The following PSD3 variants were observed in gnomAD, a reference collection of about 807,000 sequenced individuals.
PSD3 encodes PH and SEC7 domain-containing protein 3.
In PSD3, 49 loss-of-function variants were observed where a neutral mutation model predicts 105.5. The observed-to-expected ratio is 0.46, with a 90% confidence interval of 0.37 to 0.59. The LOEUF is 0.59. Ranked by LOEUF, PSD3 falls within the 20% of genes least tolerant of loss-of-function variation. PSD3 has a pLI of 0.00. For missense variants in PSD3, 1,561 were observed against 1,263.8 expected (o/e 1.24, Z -3.57); for synonymous variants, 557 against 457.8 (o/e 1.22, Z -2.77).
intron 2 of PSD3, among the ~76,000 whole-genome samples, chr8:18,915,256 A>G (rs1820507729): frequency 6.6e-6 from 1 of 152,154 alleles, no homozygotes; most frequent in South Asian, 2.1e-4. Flanking sequence ...AAAACATAGG[A>G]AAAAAGGCTT....
At chr8:18,788,672 T>C (rs1053021658) in intron 8 of PSD3, among the ~76,000 whole-genome samples, 20 of 152,140 alleles carry the variant, frequency 1.3e-4, no homozygotes, top group African/African-American at 3.6e-4. Flanking sequence ...TCATCATCCA[T>C]TGGTAAAATC....
At chr8:18,603,498 T>C (rs900531512) in intron 11 of PSD3, among the ~76,000 whole-genome samples, 1 of 152,214 alleles carries the variant, frequency 6.6e-6, no homozygotes, top group East Asian at 1.9e-4. Context: ...TTTGTTTGTA[T>C]AATAAATGTC....
At chr8:18,840,085 C>T (rs1463026549) in intron 4 of PSD3, among the ~76,000 whole-genome samples, 1 of 152,158 alleles carries the variant, frequency 6.6e-6, no homozygotes, top group African/African-American at 2.4e-5. Context: ...AATCCTAATG[C>T]TGATCCTGTT....
chr8:19,035,774 T>G (rs1827921649), intron 1 of PSD3, among the ~76,000 whole-genome samples: 2 of 149,884 alleles, frequency 1.3e-5, no homozygotes, highest in African/African-American at 4.9e-5. Flanking sequence ...GGTGTGGGGG[T>G]GACTGGATTT....
At chr8:18,680,665 T>A (rs1800333447) in intron 9 of PSD3, among the ~76,000 whole-genome samples, 1 of 152,064 alleles carries the variant, frequency 6.6e-6, no homozygotes. Context: ...CCACACTCTC[T>A]CTAGAGGAAA....
chr8:18,676,065 T>C (rs189340296), intron 9 of PSD3, among the ~76,000 whole-genome samples: 75 of 152,296 alleles, frequency 4.9e-4, no homozygotes, highest in African/African-American at 1.7e-3. Flanking sequence ...GCAGTGACTA[T>C]CTTTAAAATG....
chr8:18,867,598 T>C, intron 4 of PSD3, 76 bp downstream of exon 4: 2 of 1,495,712 alleles, frequency 1.3e-6, no homozygotes, highest in Middle Eastern at 1.8e-4. Context: ...TAAATATATA[T>C]TCCACACTCA....
In PSD3 at chr8:18,804,603, C is replaced by T; in HGVS notation, c.1830-1G>A. On this transcript the variant is annotated splice_acceptor_variant, in intron 5 of 15. Coordinates refer to ENST00000327040, the MANE Select transcript of PSD3 (RefSeq NM_015310.4). LOFTEE classifies it high-confidence loss of function. ...TGCAACTAGTTTGCTAAATTCGTTG[C>T]TATAAGAAAACAGAATAGACTTGGT... is the stretch of plus-strand genomic sequence containing the variant. 1 of 1,612,668 alleles carries T rather than the reference C, an allele frequency of 6.2e-7. No homozygotes were observed. The highest frequency in any genetic ancestry group is 8.5e-7 in the Non-Finnish European group (1 of 1,178,944).
chr8:18,876,854 A>G (rs560735978), intron 2 of PSD3, among the ~76,000 whole-genome samples: 5 of 152,166 alleles, frequency 3.3e-5, no homozygotes, highest in Non-Finnish European at 7.4e-5. Context: ...AGATTCTATT[A>G]TTGTCTGTTT....
intron 12 of PSD3, among the ~76,000 whole-genome samples, chr8:18,599,843 G>C (rs1340345034): frequency 6.6e-6 from 1 of 152,098 alleles, no homozygotes; most frequent in African/African-American, 2.4e-5. Flanking sequence ...TGCATGGAGG[G>C]ATGACGGTAT....
rs369023187 is a variant in PSD3, at chr8:18,816,452, C to T, written c.1635-11554G>A. On this transcript the variant is annotated intron_variant, in intron 4 of 15. Transcript: ENST00000327040. ...ACTAATAAGCTATGTGGCTTTCTAACCGATATTACTACAGGTTATACTGCA... is the reference window on the plus strand; with the variant it reads ...ACTAATAAGCTATGTGGCTTTCTAATCGATATTACTACAGGTTATACTGCA... Among the ~76,000 whole-genome samples the T allele has an allele frequency of 2.0e-5, 3 of 152,284 alleles. No homozygotes were observed. The East Asian group carries it at 5.8e-4, about 29-fold the overall frequency.
Position 18,527,498 on chromosome 8 carries a change from T to C in PSD3, c.*8245A>G, listed in dbSNP as rs1360011631. 1 of 152,620 alleles carries C rather than the reference T, an allele frequency of 6.6e-6. No individual in the cohort carries two copies. The highest frequency in any genetic ancestry group is 1.5e-5 in the Non-Finnish European group (1 of 68,044). The allele number at this position is 152,620 out of a possible 1,614,324, so 9.5% of individuals were successfully genotyped here. On this transcript the variant is annotated 3_prime_UTR_variant, in exon 16 of 16. Transcript: ENST00000327040. ...ACAGGAACAATTATATTCATAAACA[T>C]TTACACAATAAATGTACTCTATATA... is the stretch of plus-strand genomic sequence containing the variant.
At chr8:18,697,341 A>G (rs1165898967) in intron 9 of PSD3, among the ~76,000 whole-genome samples, 1 of 152,174 alleles carries the variant, frequency 6.6e-6, no homozygotes, top group African/African-American at 2.4e-5. Flanking sequence ...TACTTTTACC[A>G]TCCACTCCTG....
chr8:19,020,006 A>G (rs925029607), intron 1 of PSD3, among the ~76,000 whole-genome samples: 4 of 152,184 alleles, frequency 2.6e-5, no homozygotes, highest in Admixed American at 2.6e-4. Flanking sequence ...CAAGACCCGA[A>G]TAACTGAGGT....
At chr8:18,842,590 G>A (rs563938923) in intron 4 of PSD3, among the ~76,000 whole-genome samples, 20 of 152,074 alleles carry the variant, frequency 1.3e-4, no homozygotes, top group Admixed American at 4.6e-4. Flanking sequence ...AAAATTAGCC[G>A]GGCGTGGTGG....
Position 18,821,684 on chromosome 8 carries a change from AACACACACAC to A in PSD3, c.1635-16796_1635-16787del, listed in dbSNP as rs10527060. ...TTAATTCCAAAATTTTGACCCCCAC[AACACACACAC>A]ACACACACACACACACACACACACC... On this transcript the variant is annotated intron_variant, in intron 4 of 15. Coordinates refer to ENST00000327040, the MANE Select transcript of PSD3 (RefSeq NM_015310.4). Among the ~76,000 whole-genome samples, 867 of 131,390 alleles carry A rather than the reference AACACACACAC, an allele frequency of 6.6e-3. 16 individuals are homozygous for A. The highest frequency in any genetic ancestry group is 0.023 in the African/African-American group (818 of 35,462). 86.2% of individuals were successfully genotyped at this position (131,390 alleles called of 152,430 possible).
intron 1 of PSD3, among the ~76,000 whole-genome samples, chr8:19,065,275 C>G (rs1356922448): frequency 6.6e-6 from 1 of 152,118 alleles, no homozygotes; most frequent in Admixed American, 6.6e-5. Flanking sequence ...ATTTCTGTGA[C>G]CAAACGTGTG....
chr8:18,664,846 G>A (rs542050196), intron 9 of PSD3, among the ~76,000 whole-genome samples: 1 of 152,138 alleles, frequency 6.6e-6, no homozygotes, highest in Non-Finnish European at 1.5e-5. Flanking sequence ...AAAATCCTGA[G>A]GCCCTTACTC....
At chr8:18,564,683 A>G (rs1224690710) in intron 14 of PSD3, among the ~76,000 whole-genome samples, 1 of 151,784 alleles carries the variant, frequency 6.6e-6, no homozygotes, top group Admixed American at 6.6e-5. Flanking sequence ...TTTATGACAG[A>G]AACTGTGGAA....
Sources: allele counts gnomAD v4.1 joint callset (sites outside exome capture counted in the v4.1 genomes callset), GRCh38; gene constraint gnomAD v4.1.1; transcripts MANE v1.5; gene names NCBI Gene and HGNC (gene_info 2026-07-23, HGNC 2026-07-21).